The following DYSF variants were observed in gnomAD, a reference collection of about 807,000 sequenced individuals.
DYSF encodes the protein dystrophy-associated fer-1-like 1.
In DYSF, 212 loss-of-function variants were observed where a neutral mutation model predicts 274.9. The observed-to-expected ratio is 0.77, with a 90% CI of 0.69 to 0.86. The LOEUF (loss-of-function observed/expected upper bound fraction) is 0.86. DYSF is among the 40% of genes least tolerant of loss of function. The probability of loss-of-function intolerance (pLI) is 0.00; values close to 1 mark genes in which losing one functional copy is unlikely to be tolerated. For missense variants in DYSF, 2,666 were observed against 2,783.2 expected, an observed-to-expected ratio of 0.96 and a Z score of 0.95; for synonymous variants, 1,091 against 1,078.7, an observed-to-expected ratio of 1.01 and a Z score of -0.22.
At position 71,569,253 on chromosome 2, in the gene DYSF, C is replaced by A. The variant is rs2092293116; in HGVS notation, c.2865-567C>A. The stretch of plus-strand genomic sequence containing the variant: ...ATCCTCAAAGACACCCAGGACAAGC[C>A]CATCACCTCCTCTGCACGTGAACCC... On this transcript the variant is annotated intron_variant, in intron 26 of 55. Transcript: ENST00000410020. Among the ~76,000 whole-genome samples, 3 of 152,168 alleles carry A rather than the reference C, an allele frequency of 2.0e-5. No individual in the cohort carries two copies. In the South Asian group the frequency reaches 6.2e-4, roughly 31 times the overall value.
chr2:71,566,813 T>C (rs1456000107), intron 24 of DYSF, among the ~76,000 whole-genome samples: 2 of 152,178 alleles, frequency 1.3e-5, no homozygotes, highest in Non-Finnish European at 2.9e-5. Flanking sequence ...TCATTGAAGA[T>C]GAACCAAAAG....
chr2:71,463,076 C>T (rs1470913786), upstream of DYSF, among the ~76,000 whole-genome samples: 2 of 152,224 alleles, frequency 1.3e-5, no homozygotes, highest in Non-Finnish European at 2.9e-5. Context: ...TGTCTGCCTC[C>T]TGCTGCCATC....
At chr2:71,508,587 G>A (rs949194687) in intron 4 of DYSF, among the ~76,000 whole-genome samples, 2 of 152,170 alleles carry the variant, frequency 1.3e-5, no homozygotes, top group Admixed American at 1.3e-4. Flanking sequence ...GATGTTTCCT[G>A]TGTTTAGATT....
At chr2:71,601,457 G>T in intron 34 of DYSF, 42 bp from the exon 35 acceptor site, 1 of 1,614,070 alleles carries the variant, frequency 6.2e-7, no homozygotes, top group Non-Finnish European at 8.5e-7. Flanking sequence ...GGGGGCCTTA[G>T]GTGACAAGCA....
At chr2:71,484,813 AGC>A (rs1262678976) in intron 3 of DYSF, among the ~76,000 whole-genome samples, 2 of 152,196 alleles carry the variant, frequency 1.3e-5, no homozygotes, top group African/African-American at 2.4e-5. Flanking sequence ...GGACCAGGCT[AGC>A]CCTCAGGGTA....
rs770009566 is a variant in DYSF, at chr2:71,535,108, G to A, written c.1449+19G>A. ...TGCCATGGTGAGCCTCCTGCCCCCA[G>A]CAAACCCAAGGAGGCCCCTGGGGCT... On this transcript the variant is annotated intron_variant, in intron 15 of 55. Coordinates refer to ENST00000410020, the MANE Select transcript of DYSF (RefSeq NM_001130987.2). 4 of 1,613,954 alleles carry A rather than the reference G, an allele frequency of 2.5e-6. No homozygotes were observed. In the South Asian group the frequency reaches 4.4e-5, roughly 18 times the overall value.
In DYSF at chr2:71,664,407, G is replaced by T. The variant is rs141137410; in HGVS notation, c.5143G>T (p.Ala1715Ser). 663 of 1,614,198 alleles carry T rather than the reference G, an allele frequency of 4.1e-4. 2 individuals are homozygous for T. The highest frequency in any genetic ancestry group is 4.7e-4 in the East Asian group (21 of 44,878). Residue 1715 changes from alanine (A) to serine (S), a missense_variant, in exon 46 of 56, where the codon GCT (alanine) becomes TCT (serine). Ala to Ser is a moderately conservative substitution (Grantham distance 99). Transcript: ENST00000410020. The stretch of plus-strand genomic sequence containing the variant: ...GAACAGGCTGCTGTCCAAGTTTGGG[G>T]CTCGCTGTGGACTCCCACAGACCTA... ...LENRLLSKFG[A>S]RCGLPQTYCV... is the part of the protein sequence containing the mutation.
chr2:71,678,361 A>T (rs2095252671), intron 52 of DYSF, among the ~76,000 whole-genome samples: 2 of 152,220 alleles, frequency 1.3e-5, no homozygotes, highest in Admixed American at 6.5e-5. Flanking sequence ...TACAGATTAA[A>T]AAAACACTAC....
Position 71,611,522 on chromosome 2 carries a change from C to T in DYSF, c.4117C>T (p.Pro1373Ser). 1 of 1,614,206 alleles carries T rather than the reference C, an allele frequency of 6.2e-7. No individual in the cohort carries two copies. The highest frequency in any genetic ancestry group is 1.1e-5 in the South Asian group (1 of 91,084). The change falls in exon 38 of 56, where the codon CCC (proline) becomes TCC (serine). Residue 1373 changes from proline to serine, a missense_variant. Pro to Ser is a moderately conservative substitution (Grantham distance 74). Coordinates refer to ENST00000410020, the MANE Select transcript of DYSF (RefSeq NM_001130987.2). ...TTACCAGCTGGCCAACATCTCCTCC[C>T]CCAGCCTCGTGGTAGAGTGTGGGGG... ...KSYQLANISS[P>S]SLVVECGGQT...
At chr2:71,589,710 A>T in intron 31 of DYSF, 24 bp downstream of exon 31, 2 of 1,590,322 alleles carry the variant, frequency 1.3e-6, no homozygotes, top group Non-Finnish European at 1.7e-6. Context: ...CGAGGCCTCT[A>T]TGGGGTGATA....
chr2:71,659,057 T>A, intron 44 of DYSF, 24 bp downstream of exon 44: 1 of 1,613,576 alleles, frequency 6.2e-7, no homozygotes, highest in South Asian at 1.1e-5. Context: ...AGCCCTCACC[T>A]CCCCCAGAGT....
chr2:71,580,461 A>G (rs1344957416), intron 30 of DYSF, among the ~76,000 whole-genome samples: 2 of 152,254 alleles, frequency 1.3e-5, no homozygotes, highest in East Asian at 3.9e-4. Flanking sequence ...TCAGATGTGG[A>G]TGGGGAGGGA....
chr2:71,598,988 A>T (rs2093475794), intron 33 of DYSF, among the ~76,000 whole-genome samples: 1 of 152,252 alleles, frequency 6.6e-6, no homozygotes, highest in African/African-American at 2.4e-5. Context: ...GTTGTGGGTC[A>T]GGGGCTTGGG....
intron 4 of DYSF, among the ~76,000 whole-genome samples, chr2:71,510,487 C>T (rs1169916673): frequency 2.0e-5 from 3 of 152,202 alleles, no homozygotes; most frequent in Non-Finnish European, 4.4e-5. Context: ...TGTTGACCTC[C>T]TCCTGGGTCT....
intron 42 of DYSF, among the ~76,000 whole-genome samples, chr2:71,647,988 A>G (rs2152928414): frequency 6.6e-6 from 1 of 152,354 alleles, no homozygotes; most frequent in South Asian, 2.1e-4. Flanking sequence ...GTGGAGCTAC[A>G]CAAGAATTAC....
intron 1 of DYSF, among the ~76,000 whole-genome samples, chr2:71,470,075 G>A (rs574221901): frequency 2.0e-5 from 3 of 152,128 alleles, no homozygotes; most frequent in Non-Finnish European, 2.9e-5. Flanking sequence ...GATCTGCTGC[G>A]TCCCCACTTG....
chr2:71,645,226 G>T (rs548178097), intron 42 of DYSF, among the ~76,000 whole-genome samples: 1 of 152,288 alleles, frequency 6.6e-6, no homozygotes, highest in Admixed American at 6.5e-5. Flanking sequence ...GAATTGGATC[G>T]CACGTGGGCT....
chr2:71,664,720 CCTAGAGAGGG>C (rs2094963522), intron 46 of DYSF, among the ~76,000 whole-genome samples: 1 of 152,040 alleles, frequency 6.6e-6, no homozygotes, highest in African/African-American at 2.4e-5. Flanking sequence ...ACATAGAAGG[CCTAGAGAGGG>C]CTAGGTACCT....
chr2:71,591,090 A>C (rs2093250940), intron 32 of DYSF, among the ~76,000 whole-genome samples: 1 of 152,158 alleles, frequency 6.6e-6, no homozygotes, highest in Admixed American at 6.5e-5. Context: ...CACCTGGTTC[A>C]CCTTTTGCTC....
Sources: allele counts gnomAD v4.1 joint callset (sites outside exome capture counted in the v4.1 genomes callset), GRCh38; gene constraint gnomAD v4.1.1; transcripts MANE v1.5; gene names NCBI Gene and HGNC (gene_info 2026-07-23, HGNC 2026-07-21).